Variants in AKAP6 observed in about 807,000 individuals in gnomAD.
The protein encoded by AKAP6 is A-kinase anchoring protein 6, also known as A-kinase anchor protein 6.
In AKAP6, 58 loss-of-function variants were observed where a neutral mutation model predicts 188.5. The ratio of observed to expected loss-of-function variants is 0.31; its 90% confidence interval spans 0.25 to 0.38. AKAP6 has a LOEUF of 0.38. AKAP6 is among the 10% of genes least tolerant of loss of function. The pLI is 1.00. For missense variants in AKAP6, 2,710 were observed against 2,740.0 expected, an observed-to-expected ratio of 0.99 and a Z score of 0.24; for synonymous variants, 989 against 998.6, an observed-to-expected ratio of 0.99 and a Z score of 0.18.
At chr14:32,794,472 A>G (rs561949737) in intron 12 of AKAP6, among the ~76,000 whole-genome samples, 1 of 152,272 alleles carries the variant, frequency 6.6e-6, no homozygotes, top group African/African-American at 2.4e-5. Context: ...AGGCACGAGA[A>G]TCTCTTGAAC....
chr14:32,704,788 A>G (rs564418087), intron 9 of AKAP6, among the ~76,000 whole-genome samples: 4 of 152,334 alleles, frequency 2.6e-5, no homozygotes, highest in African/African-American at 9.6e-5. Flanking sequence ...GTTCCATGTA[A>G]TTACATCAGG....
chr14:32,657,171 A>G (rs1594818200), intron 7 of AKAP6, among the ~76,000 whole-genome samples: 1 of 152,144 alleles, frequency 6.6e-6, no homozygotes, highest in East Asian at 1.9e-4. Context: ...ACATAGGGAA[A>G]AAGGTCAAGA....
At chr14:32,483,120 C>A (rs1879453028) in intron 2 of AKAP6, among the ~76,000 whole-genome samples, 1 of 151,940 alleles carries the variant, frequency 6.6e-6, no homozygotes, top group African/African-American at 2.4e-5. Flanking sequence ...TTCAGCACAT[C>A]CTCACCAATA....
intron 1 of AKAP6, among the ~76,000 whole-genome samples, chr14:32,349,371 T>C (rs1434316814): frequency 6.6e-6 from 1 of 152,248 alleles, no homozygotes; most frequent in Non-Finnish European, 1.5e-5. Flanking sequence ...GATTTCATTG[T>C]TCTGCATAGA....
intron 11 of AKAP6, among the ~76,000 whole-genome samples, chr14:32,745,009 G>A (rs1466424185): frequency 6.6e-6 from 1 of 151,962 alleles, no homozygotes; most frequent in African/African-American, 2.4e-5. Context: ...CCTTCTCTGT[G>A]TTATCTTGAA....
chr14:32,581,399 G>A (rs1177132935), intron 5 of AKAP6, among the ~76,000 whole-genome samples: 1 of 152,164 alleles, frequency 6.6e-6, no homozygotes, highest in East Asian at 1.9e-4. Context: ...TTGCTGAGGA[G>A]AGCTTTACTT....
At chr14:32,416,370 A>AT (rs1302499202) in intron 1 of AKAP6, among the ~76,000 whole-genome samples, 1 of 152,066 alleles carries the variant, frequency 6.6e-6, no homozygotes, top group African/African-American at 2.4e-5. Flanking sequence ...TTATTTGCCC[A>AT]TTTTTGAATT....
chr14:32,765,937 A>G (rs2032705191), intron 11 of AKAP6, among the ~76,000 whole-genome samples: 1 of 152,168 alleles, frequency 6.6e-6, no homozygotes, highest in Non-Finnish European at 1.5e-5. Context: ...TCATTGAGAT[A>G]TAATTTACAT....
At chr14:32,577,589 T>C (rs1884785322) in intron 5 of AKAP6, among the ~76,000 whole-genome samples, 1 of 152,190 alleles carries the variant, frequency 6.6e-6, no homozygotes, top group South Asian at 2.1e-4. Flanking sequence ...TTGATGACCA[T>C]TCTAAGCTTT....
chr14:32,365,563 C>T (rs1364927001), intron 1 of AKAP6, among the ~76,000 whole-genome samples: 3 of 152,120 alleles, frequency 2.0e-5, no homozygotes, highest in Admixed American at 2.0e-4. Flanking sequence ...TCCCTGCAGC[C>T]CTGGCCCCCC....
intron 7 of AKAP6, among the ~76,000 whole-genome samples, chr14:32,632,436 C>T (rs561934265): frequency 6.6e-6 from 1 of 152,082 alleles, no homozygotes; most frequent in East Asian, 1.9e-4. Context: ...AGAACTTGGG[C>T]TTCTCCTATA....
intron 7 of AKAP6, among the ~76,000 whole-genome samples, chr14:32,663,352 C>T (rs924220962): frequency 6.6e-6 from 1 of 152,190 alleles, no homozygotes; most frequent in African/African-American, 2.4e-5. Flanking sequence ...TTGCCTCACT[C>T]ATTCTTTCAG....
At chr14:32,476,686 T>G (rs1879081881) in intron 2 of AKAP6, among the ~76,000 whole-genome samples, 1 of 152,168 alleles carries the variant, frequency 6.6e-6, no homozygotes, top group Admixed American at 6.5e-5. Context: ...TCCGTAAGTG[T>G]TACCAAACTA....
At chr14:32,355,379 A>G (rs1006883484) in intron 1 of AKAP6, among the ~76,000 whole-genome samples, 34 of 152,032 alleles carry the variant, frequency 2.2e-4, no homozygotes, top group African/African-American at 7.7e-4. Context: ...TCCAAGCCCT[A>G]CTACATAAAT....
chr14:32,755,555 T>A (rs1490657425), intron 11 of AKAP6, among the ~76,000 whole-genome samples: 1 of 151,892 alleles, frequency 6.6e-6, no homozygotes, highest in African/African-American at 2.4e-5. Context: ...TGAGACAGGA[T>A]CTCACTCTCT....
chr14:32,508,831 C>CTT lies in AKAP6; in HGVS notation c.325-26711_325-26710dup, dbSNP rs200344461. 1.0e-3 allele frequency among the ~76,000 whole-genome samples: 146 copies of CTT among 146,128 alleles called. 2 individuals carry two copies. Among genetic ancestry groups the CTT allele is most frequent in the African/African-American group, 3.4e-3 (138 of 40,168 alleles). ...TCGGTGGTTGTTTATTGAGTACCTACTTTTTTTTTTTTTGATACGGAGTCT... is the reference window on the plus strand; with the variant it reads ...TCGGTGGTTGTTTATTGAGTACCTACTTTTTTTTTTTTTTTGATACGGAGTCT... On this transcript the variant is annotated intron_variant, in intron 2 of 13. Transcript: ENST00000280979.
chr14:32,545,694 A>T lies in AKAP6; in HGVS notation c.1041A>T (p.Glu347Asp). The change falls in exon 4 of 14, where the codon GAA (glutamate) becomes GAT (aspartate). Residue 347 changes from glutamate (E) to aspartate (D), a missense_variant. Physicochemically the swap from Glu to Asp is conservative, Grantham distance 45. This residue lies in a region of AKAP6 where 2,473 missense variants were observed against 2,426.1 expected (regional missense o/e 1.02). Transcript: ENST00000280979. ...CCTCCTCTGAGACTGTGCAGCAAGA[A>T]TCCAGTTCCTCCTCCCATCATGATG... ...AQPSSETVQQ[E>D]SSSSSHHDAK... 6.2e-7 allele frequency: 1 copy of T among 1,614,174 alleles called. No individual in the cohort carries two copies.
intron 9 of AKAP6, among the ~76,000 whole-genome samples, chr14:32,705,142 A>T (rs111785353): frequency 6.6e-6 from 1 of 152,200 alleles, no homozygotes; most frequent in African/African-American, 2.4e-5. Context: ...AGGGATATCA[A>T]TTTGGAGTAT....
intron 2 of AKAP6, among the ~76,000 whole-genome samples, chr14:32,466,104 A>T (rs1327921370): frequency 3.1e-4 from 47 of 152,224 alleles, no homozygotes; most frequent in Non-Finnish European, 2.9e-5. Flanking sequence ...GTGGAGAAAT[A>T]GGAATGCTTT....
Sources: gnomAD v4.1 joint callset for allele counts (sites outside exome capture counted in the v4.1 genomes callset) on GRCh38, gnomAD v4.1.1 for gene constraint, gnomAD v4.1.1 regional missense constraint, MANE v1.5 for transcripts, NCBI Gene and HGNC (gene_info 2026-07-23, HGNC 2026-07-21) for gene names.